SLC9C2: variants seen among roughly 807,000 people sequenced by gnomAD.
The protein encoded by SLC9C2 is solute carrier family 9 member C2 (putative).
A neutral mutation model predicts 140.2 loss-of-function variants in SLC9C2; 75 were observed. The observed-to-expected ratio is 0.53, with a 90% CI of 0.44 to 0.65. The LOEUF (loss-of-function observed/expected upper bound fraction) is 0.65, where lower values mean the gene tolerates loss of function less well. Among genes scored for constraint, SLC9C2 ranks in the 30% least tolerant of loss-of-function variants. The pLI is 0.00. For missense variants in SLC9C2, 1,074 were observed against 1,331.8 expected (o/e 0.81, Z 3.01); for synonymous variants, 375 against 420.9 (o/e 0.89, Z 1.34).
At chr1:173,549,770 C>T (rs1185104640) in intron 11 of SLC9C2, among the ~76,000 whole-genome samples, 2 of 152,076 alleles carry the variant, frequency 1.3e-5, no homozygotes, top group Non-Finnish European at 2.9e-5. Context: ...CTTTATTCCA[C>T]AGTGAGTTAA....
chr1:173,561,842 T>TACAC (rs1337862525), intron 9 of SLC9C2, among the ~76,000 whole-genome samples: 9 of 133,952 alleles, frequency 6.7e-5, no homozygotes, highest in African/African-American at 1.7e-4. Flanking sequence ...TCACATAAGA[T>TACAC]ACACACACAC....
At chr1:173,504,377 C>A (rs1003640955) in intron 26 of SLC9C2, among the ~76,000 whole-genome samples, 4 of 152,240 alleles carry the variant, frequency 2.6e-5, no homozygotes, top group South Asian at 2.1e-4. Flanking sequence ...CAGCACACAG[C>A]GGGGCTGCAT....
chr1:173,503,403 A>G, intron 26 of SLC9C2, 77 bp from the exon 27 acceptor site: 1 of 1,313,806 alleles, frequency 7.6e-7, no homozygotes, highest in South Asian at 1.2e-5. Flanking sequence ...ATATTTTGAA[A>G]TATCTATTTG....
rs1660800580 is a variant in SLC9C2 at position 173,521,399 on chromosome 1, C to T, written c.2641G>A (p.Glu881Lys). 1 of 1,469,566 alleles carries T rather than the reference C, an allele frequency of 6.8e-7. No homozygotes were observed. Among genetic ancestry groups the T allele is most frequent in the Non-Finnish European group, 9.0e-7 (1 of 1,114,666 alleles). The allele number at this position is 1,469,566 out of a possible 1,614,324, so 91.0% of individuals were successfully genotyped here. A position where few individuals can be genotyped will look rare whatever the true frequency, so the allele number is the denominator to read the frequency against. The change falls in exon 22 of 28, where the codon GAA (glutamate) becomes AAA (lysine). Residue 881 changes from glutamate (E) to lysine (K), a missense_variant and splice_region_variant. Glu to Lys is a moderately conservative substitution (Grantham distance 56). Transcript: ENST00000367714. ...TCAAAACAGGCAAGTTTGGCTCTTT[C>T]CTGAGTGGGAAAAAAAAAAACGAAA... ...GKDVLIDFFK[E>K]RAKLACFDSG... is the part of the protein sequence containing the mutation.
At chr1:173,570,955 C>T (rs1005048909) in intron 9 of SLC9C2, among the ~76,000 whole-genome samples, 1 of 152,054 alleles carries the variant, frequency 6.6e-6, no homozygotes, top group Non-Finnish European at 1.5e-5. Context: ...TTTTTCCTAC[C>T]CTCTTTAGTG....
intron 3 of SLC9C2, among the ~76,000 whole-genome samples, 173 bp from the exon 4 acceptor site, chr1:173,598,205 T>C (rs1666551675): frequency 6.6e-6 from 1 of 152,188 alleles, no homozygotes. Context: ...GATCTAGCCA[T>C]CCAGATAGGT....
intron 9 of SLC9C2, among the ~76,000 whole-genome samples, chr1:173,570,701 T>C (rs1186594080): frequency 6.6e-6 from 1 of 152,218 alleles, no homozygotes; most frequent in Non-Finnish European, 1.5e-5. Flanking sequence ...CTCAAGTTTC[T>C]ACCACGGGAA....
At chr1:173,527,687 C>A (rs929299029) in intron 18 of SLC9C2, among the ~76,000 whole-genome samples, 8 of 152,178 alleles carry the variant, frequency 5.3e-5, no homozygotes, top group African/African-American at 1.9e-4. Context: ...AATCACACAA[C>A]TGACAGTTCT....
chr1:173,564,963 TTTTTC>T (rs1248120145), intron 9 of SLC9C2, among the ~76,000 whole-genome samples: 2 of 128,066 alleles, frequency 1.6e-5, no homozygotes, highest in Admixed American at 8.2e-5. Flanking sequence ...TCTTTTTTTC[TTTTTC>T]TTTTTTTTTT....
intron 7 of SLC9C2, among the ~76,000 whole-genome samples, chr1:173,580,891 C>T (rs145576881): frequency 6.6e-6 from 1 of 152,270 alleles, no homozygotes; most frequent in East Asian, 1.9e-4. Context: ...GAGCCTCCAC[C>T]TCAAGGAACT....
At chr1:173,502,696 G>A (rs576094634) in intron 27 of SLC9C2, among the ~76,000 whole-genome samples, 1 of 152,282 alleles carries the variant, frequency 6.6e-6, no homozygotes, top group East Asian at 1.9e-4. Flanking sequence ...ACAACAAAAT[G>A]TCTTGAAGTC....
At position 173,503,296 on chromosome 1, in the gene SLC9C2, C is replaced by T. The variant is rs753975075; in HGVS notation, c.3341G>A (p.Gly1114Glu). 1 of 1,613,754 alleles carries T rather than the reference C, an allele frequency of 6.2e-7. No individual in the cohort carries two copies. Among genetic ancestry groups the T allele is most frequent in the South Asian group, 1.1e-5 (1 of 91,004 alleles). Residue 1114 changes from glycine to glutamate, a missense_variant, in exon 27 of 28, where the codon GGA (glycine) becomes GAA (glutamate). Transcript: ENST00000367714. ...ASVNTVFEQP[G>E]KNINGRQKMS ...CTTTTGTCTTCCATTTATATTCTTT[C>T]CTGGTTGTTCAAAGACCGTGTTGAC...
intron 5 of SLC9C2, among the ~76,000 whole-genome samples, chr1:173,583,944 A>G (rs929768951): frequency 1.3e-5 from 2 of 152,210 alleles, no homozygotes; most frequent in Non-Finnish European, 2.9e-5. Flanking sequence ...TCAGATTCCA[A>G]AATAACCTCA....
intron 4 of SLC9C2, among the ~76,000 whole-genome samples, chr1:173,597,094 G>C (rs940000920): frequency 2.6e-5 from 4 of 151,658 alleles, no homozygotes; most frequent in Admixed American, 6.6e-5. Context: ...TCAATAATTA[G>C]AGAACATATA....
At chr1:173,524,367 A>G (rs553392470) in intron 20 of SLC9C2, among the ~76,000 whole-genome samples, 29 of 152,206 alleles carry the variant, frequency 1.9e-4, no homozygotes, top group Non-Finnish European at 3.4e-4. Flanking sequence ...AAATCTAGTG[A>G]GTCTATAGGG....
chr1:173,590,006 G>A (rs1016657173), intron 4 of SLC9C2, among the ~76,000 whole-genome samples: 1 of 152,162 alleles, frequency 6.6e-6, no homozygotes, highest in Non-Finnish European at 1.5e-5. Flanking sequence ...ACTCTGGGGG[G>A]CCCAGGCGAG....
intron 7 of SLC9C2, among the ~76,000 whole-genome samples, chr1:173,577,687 G>A (rs1665264749): frequency 6.6e-6 from 1 of 152,098 alleles, no homozygotes; most frequent in South Asian, 2.1e-4. Flanking sequence ...ATACAGTTGT[G>A]AAAATTAAAT....
At chr1:173,522,893 C>T (rs1660927013) in intron 21 of SLC9C2, among the ~76,000 whole-genome samples, 1 of 152,194 alleles carries the variant, frequency 6.6e-6, no homozygotes, top group East Asian at 1.9e-4. Flanking sequence ...AGCTGGCTTG[C>T]TCCCTCACTT....
chr1:173,534,369 T>A (rs1661795954), intron 16 of SLC9C2, 115 bp downstream of exon 16: 4 of 1,111,898 alleles, frequency 3.6e-6, no homozygotes, highest in Non-Finnish European at 4.9e-6. Flanking sequence ...TAGGATCTCA[T>A]CAACTATCAT....
Sources: allele counts gnomAD v4.1 joint callset (sites outside exome capture counted in the v4.1 genomes callset), GRCh38; gene constraint gnomAD v4.1.1; transcripts MANE v1.5; gene names NCBI Gene and HGNC (gene_info 2026-07-23, HGNC 2026-07-21).